DIXDC1: variants seen among roughly 807,000 people sequenced by gnomAD.
DIXDC1 encodes DIX domain containing 1.
Under a neutral mutation model 103.1 loss-of-function variants are expected in DIXDC1, and 64 were observed. The observed-to-expected ratio is 0.62, with a 90% CI of 0.51 to 0.76. The LOEUF is 0.76. Ranked by LOEUF, DIXDC1 falls within the 30% of genes least tolerant of loss-of-function variation. The pLI, the probability that DIXDC1 is intolerant of heterozygous loss-of-function variation, is 0.00. For synonymous variants in DIXDC1, 266 were observed against 298.5 expected (o/e 0.89, Z 1.12); for missense variants, 759 against 834.2 (o/e 0.91, Z 1.11).
intron 8 of DIXDC1, 63 bp from the exon 9 acceptor site, chr11:111,986,808 G>A: frequency 2.1e-6 from 3 of 1,453,438 alleles, no homozygotes; most frequent in Non-Finnish European, 2.8e-6. Context: ...AATATTTGTT[G>A]AATGAGTGGC....
intron 1 of DIXDC1, among the ~76,000 whole-genome samples, chr11:111,955,118 GA>G (rs1966881376): frequency 6.6e-6 from 1 of 151,996 alleles, no homozygotes; most frequent in African/African-American, 2.4e-5. Context: ...AAAGGAACCA[GA>G]GTTCTTTTAA....
chr11:111,935,160 C>T (rs140840711), upstream of DIXDC1, among the ~76,000 whole-genome samples: 7 of 152,308 alleles, frequency 4.6e-5, no homozygotes, highest in Non-Finnish European at 1.0e-4. Context: ...CTCTTAATTC[C>T]TCCAGCATGC....
intron 1 of DIXDC1, chr11:111,928,252 T>C (rs1555167265): frequency 6.6e-6 from 1 of 152,056 alleles, no homozygotes; most frequent in African/African-American, 2.4e-5. Flanking sequence ...CTATTTTCTA[T>C]ATATTAAATG....
At chr11:111,940,357 G>A (rs782506931) in intron 1 of DIXDC1, among the ~76,000 whole-genome samples, 23 of 152,170 alleles carry the variant, frequency 1.5e-4, no homozygotes. Context: ...ACAGGTTTTG[G>A]CTACTGCCAC....
chr11:111,964,742 C>T, intron 2 of DIXDC1, 64 bp downstream of exon 2: 1 of 1,500,394 alleles, frequency 6.7e-7, no homozygotes. Context: ...CTTTATCCTT[C>T]TTATGCCCTT....
chr11:111,929,426 C>G (rs1245076474), intron 1 of DIXDC1, among the ~76,000 whole-genome samples: 2 of 151,722 alleles, frequency 1.3e-5, no homozygotes, highest in Non-Finnish European at 2.9e-5. Flanking sequence ...TTTAAAAATG[C>G]CACTGGGTTA....
At chr11:112,011,711 C>G (rs1861425851) in intron 17 of DIXDC1, among the ~76,000 whole-genome samples, 1 of 152,040 alleles carries the variant, frequency 6.6e-6, no homozygotes, top group Non-Finnish European at 1.5e-5. Flanking sequence ...GGACCAAAAA[C>G]CAAACACCGC....
intron 17 of DIXDC1, among the ~76,000 whole-genome samples, chr11:112,009,017 A>C (rs587752105): frequency 6.6e-6 from 1 of 152,276 alleles, no homozygotes; most frequent in East Asian, 1.9e-4. Flanking sequence ...TGAATCCAGG[A>C]GCTGGTTTTT....
upstream of DIXDC1, chr11:111,937,110 A>T: frequency 1.7e-6 from 1 of 586,970 alleles, no homozygotes; most frequent in Non-Finnish European, 2.1e-6. Context: ...GCACGCACAC[A>T]CGCCCGTGCT....
rs148804082 is a variant in DIXDC1 at position 111,929,794 on chromosome 11, C to A, written c.-36-24C>A. ...TTTTTTCCTGGCTTGTTATTTTGTACATTTCTTATTCTTCCTGTTTTAGAT... is the reference window on the plus strand; with the variant it reads ...TTTTTTCCTGGCTTGTTATTTTGTAAATTTCTTATTCTTCCTGTTTTAGAT... On this transcript the variant is annotated intron_variant, in intron 1 of 5. Coordinates refer to the DIXDC1 transcript ENST00000529225. 12,026 of 1,413,202 alleles carry A rather than the reference C, an allele frequency of 8.5e-3. 62 individuals carry two copies. Among genetic ancestry groups the A allele is most frequent in the Middle Eastern group, 0.025 (143 of 5,676 alleles). The allele number at this position is 1,413,202 out of a possible 1,614,324, so 87.5% of individuals were successfully genotyped here.
chr11:111,996,822 C>T (rs1478251215), intron 17 of DIXDC1, among the ~76,000 whole-genome samples: 2 of 152,122 alleles, frequency 1.3e-5, no homozygotes, highest in African/African-American at 4.8e-5. Context: ...TGCACTCCAG[C>T]GTGGGTGACA....
At chr11:111,937,214 A>G (rs1274035773), upstream of DIXDC1, 3 of 1,110,928 alleles carry the variant, frequency 2.7e-6, no homozygotes, top group Non-Finnish European at 3.3e-6. Context: ...CCCGCAGGAA[A>G]GCGGGGCTGG....
intron 1 of DIXDC1, among the ~76,000 whole-genome samples, chr11:111,939,798 G>C (rs894303520): frequency 2.0e-5 from 3 of 152,126 alleles, no homozygotes; most frequent in Non-Finnish European, 2.9e-5. Flanking sequence ...CAGCCTCCAG[G>C]GTTGCTTAAT....
chr11:111,995,290 C>G, intron 15 of DIXDC1, 113 bp from the exon 16 acceptor site: 2 of 1,440,426 alleles, frequency 1.4e-6, no homozygotes, highest in Non-Finnish European at 1.9e-6. Flanking sequence ...AAACCATAGG[C>G]CTGCTTCTGT....
rs1222704053 is a variant in DIXDC1 at position 112,021,613 on chromosome 11, A to T, written c.*2577A>T. The T allele has an allele frequency of 6.6e-6, 1 of 152,230 alleles. No individual in the cohort carries two copies. Among genetic ancestry groups the T allele is most frequent in the Non-Finnish European group, 1.5e-5 (1 of 68,034 alleles). The allele number at this position is 152,230 out of a possible 1,614,324, so 9.4% of individuals were successfully genotyped here. On this transcript the variant is annotated 3_prime_UTR_variant, in exon 20 of 20. Transcript: ENST00000440460. ...GAGTTCATAAAATAATCTCTAAACC[A>T]TGTTAGGTTAAAACAAAATGACCAT... is the stretch of plus-strand genomic sequence containing the variant.
At chr11:111,929,934 G>A in intron 2 of DIXDC1, 3 of 1,532,524 alleles carry the variant, frequency 2.0e-6, no homozygotes, top group Non-Finnish European at 2.6e-6. Flanking sequence ...GTACTATTGT[G>A]AAAAGCGTGA....
chr11:111,982,798 A>G (rs1328556325), intron 7 of DIXDC1, among the ~76,000 whole-genome samples: 3 of 152,210 alleles, frequency 2.0e-5, no homozygotes, highest in African/African-American at 7.2e-5. Flanking sequence ...GTGGCTGCAG[A>G]CCTGCAATTG....
chr11:111,946,261 A>G (rs587657349), intron 1 of DIXDC1, among the ~76,000 whole-genome samples: 177 of 151,936 alleles, frequency 1.2e-3, no homozygotes, highest in African/African-American at 3.9e-3. Context: ...GGCGCCTACC[A>G]CTGTGCCCGG....
rs1555175144 is a variant in DIXDC1, at chr11:111,994,971, G to A, written c.1438-48G>A. The A allele has an allele frequency of 3.9e-6, 6 of 1,554,600 alleles. No homozygotes were observed. In the South Asian group the frequency reaches 6.8e-5, roughly 18 times the overall value. ...GAAGAAAAATAAGATAGCACATCTG[G>A]TTTACAATTCTCCCTTTAACAAGCA... On this transcript the variant is annotated intron_variant, in intron 14 of 19. Transcript: ENST00000440460.
Sources: allele counts gnomAD v4.1 joint callset (sites outside exome capture counted in the v4.1 genomes callset), GRCh38; gene constraint gnomAD v4.1.1; transcripts MANE v1.5; gene names NCBI Gene and HGNC (gene_info 2026-07-23, HGNC 2026-07-21).